The following PLCB4 variants were observed in gnomAD, a reference collection of about 807,000 sequenced individuals.
PLCB4 encodes phospholipase C beta 4.
A neutral mutation model predicts 178.8 loss-of-function variants in PLCB4; 77 were observed. The ratio of observed to expected loss-of-function variants is 0.43; its 90% CI spans 0.36 to 0.52. PLCB4 has a LOEUF of 0.52. Ranked by LOEUF, PLCB4 falls within the 20% of genes least tolerant of loss-of-function variation. The pLI is 0.00. For synonymous variants in PLCB4, 496 were observed against 490.8 expected (o/e 1.01, Z -0.14); for missense variants, 1,024 against 1,453.4 (o/e 0.70, Z 4.80).
chr20:9,450,327 G>A (rs2042676985), intron 32 of PLCB4, among the ~76,000 whole-genome samples: 1 of 152,150 alleles, frequency 6.6e-6, no homozygotes, highest in Non-Finnish European at 1.5e-5. Context: ...ACAATGAGCT[G>A]AGACTTGACC....
At chr20:9,321,743 T>C (rs1601828113) in intron 4 of PLCB4, among the ~76,000 whole-genome samples, 1 of 151,956 alleles carries the variant, frequency 6.6e-6, no homozygotes, top group Admixed American at 6.6e-5. Flanking sequence ...AAGCGATTCT[T>C]CTGCCTCAGC....
chr20:9,374,066 A>AAAG (rs2036473904), intron 12 of PLCB4, among the ~76,000 whole-genome samples: 1 of 152,220 alleles, frequency 6.6e-6, no homozygotes, highest in Non-Finnish European at 1.5e-5. Context: ...GAAAAGATAA[A>AAAG]AAGGCAGACC....
intron 2 of PLCB4, among the ~76,000 whole-genome samples, chr20:9,155,354 T>C (rs748447661): frequency 2.6e-5 from 4 of 152,162 alleles, no homozygotes; most frequent in Admixed American, 6.5e-5. Context: ...CATTAGTTGA[T>C]GGGCACTTAG....
chr20:9,150,119 G>A (rs560883229), intron 2 of PLCB4, among the ~76,000 whole-genome samples: 26 of 152,302 alleles, frequency 1.7e-4, no homozygotes, highest in South Asian at 6.2e-4. Flanking sequence ...GTGTCTGGGC[G>A]TCACATCACA....
At chr20:9,433,682 G>A (rs1174386434) in intron 28 of PLCB4, among the ~76,000 whole-genome samples, 2 of 152,316 alleles carry the variant, frequency 1.3e-5, no homozygotes, top group South Asian at 2.1e-4. Context: ...CCACTTTTGT[G>A]TATACTTGAA....
At chr20:9,153,030 G>A (rs1374351177) in intron 2 of PLCB4, among the ~76,000 whole-genome samples, 1 of 152,110 alleles carries the variant, frequency 6.6e-6, no homozygotes, top group Non-Finnish European at 1.5e-5. Context: ...TAACCCCTTC[G>A]TTTTGGCCAA....
At chr20:9,295,031 A>G (rs2094618123) in intron 3 of PLCB4, among the ~76,000 whole-genome samples, 1 of 152,156 alleles carries the variant, frequency 6.6e-6, no homozygotes, top group African/African-American at 2.4e-5. Context: ...CCCACTCTGG[A>G]ACCCCAGGAC....
At chr20:9,357,355 A>G (rs34941194) in intron 7 of PLCB4, among the ~76,000 whole-genome samples, 10,653 of 152,254 alleles carry the variant, frequency 0.07, 409 homozygotes, top group African/African-American at 0.094. Flanking sequence ...TTTCCATTCT[A>G]GTGAACACAT....
At chr20:9,362,366 C>A (rs777841921) in intron 7 of PLCB4, among the ~76,000 whole-genome samples, 1 of 152,124 alleles carries the variant, frequency 6.6e-6, no homozygotes. Context: ...GTGAGCACAT[C>A]GCTGTTTGCT....
At chr20:9,440,127 A>C (rs2034410668) in intron 30 of PLCB4, among the ~76,000 whole-genome samples, 1 of 152,176 alleles carries the variant, frequency 6.6e-6, no homozygotes, top group African/African-American at 2.4e-5. Context: ...TCTAAAATGG[A>C]GGTGAAAGTA....
chr20:9,226,630 C>T (rs1466498652), intron 3 of PLCB4, among the ~76,000 whole-genome samples: 1 of 152,096 alleles, frequency 6.6e-6, no homozygotes, highest in Non-Finnish European at 1.5e-5. Flanking sequence ...GAATCTTCGT[C>T]CCCATTTTCC....
At chr20:9,445,452 C>T (rs1031122492) in intron 32 of PLCB4, among the ~76,000 whole-genome samples, 16 of 152,110 alleles carry the variant, frequency 1.1e-4, no homozygotes, top group Admixed American at 2.6e-4. Context: ...ATTGAGATGC[C>T]GAGAACATTG....
chr20:9,177,414 G>A (rs1222017127), intron 2 of PLCB4, among the ~76,000 whole-genome samples: 7 of 152,190 alleles, frequency 4.6e-5, no homozygotes, highest in Admixed American at 3.3e-4. Flanking sequence ...GCAGAGCCTC[G>A]GGACTGGACT....
intron 2 of PLCB4, among the ~76,000 whole-genome samples, chr20:9,215,544 T>A (rs1299827889): frequency 2.0e-5 from 3 of 152,214 alleles, no homozygotes; most frequent in African/African-American, 7.2e-5. Context: ...AAAGTCAGGG[T>A]ACATGATGCT....
At chr20:9,295,136 A>T (rs2094619170) in intron 3 of PLCB4, among the ~76,000 whole-genome samples, 1 of 152,106 alleles carries the variant, frequency 6.6e-6, no homozygotes, top group African/African-American at 2.4e-5. Flanking sequence ...TGTGACCTCT[A>T]CCTAAAACTA....
intron 15 of PLCB4, among the ~76,000 whole-genome samples, chr20:9,388,561 A>T (rs1330840516): frequency 6.6e-6 from 1 of 152,206 alleles, no homozygotes; most frequent in African/African-American, 2.4e-5. Flanking sequence ...TGTACTAAAA[A>T]TACAAAAATT....
intron 3 of PLCB4, among the ~76,000 whole-genome samples, chr20:9,286,041 G>T (rs1279343567): frequency 6.6e-6 from 1 of 151,972 alleles, no homozygotes; most frequent in East Asian, 1.9e-4. Flanking sequence ...CACAGTAATT[G>T]GTTGAAGCAG....
chr20:9,340,065 A>G (rs113193699), intron 7 of PLCB4, among the ~76,000 whole-genome samples: 77 of 152,302 alleles, frequency 5.1e-4, no homozygotes, highest in African/African-American at 1.8e-3. Context: ...CATTAACCCT[A>G]TAATTGGAAA....
chr20:9,134,582 A>T (rs565761246), intron 2 of PLCB4, among the ~76,000 whole-genome samples: 2 of 152,272 alleles, frequency 1.3e-5, no homozygotes, highest in South Asian at 4.1e-4. Flanking sequence ...CCAGAAAGAC[A>T]CAAAATTAGA....
Sources: gnomAD v4.1 joint callset for allele counts (sites outside exome capture counted in the v4.1 genomes callset) on GRCh38, gnomAD v4.1.1 for gene constraint, MANE v1.5 for transcripts, NCBI Gene and HGNC (gene_info 2026-07-23, HGNC 2026-07-21) for gene names.